Variants in TENM3 observed in about 807,000 individuals in gnomAD.
The protein encoded by TENM3 is teneurin transmembrane protein 3.
TENM3 carries 63 observed loss-of-function variants against 255.1 expected under a neutral mutation model. The observed-to-expected ratio is 0.25, with a 90% CI of 0.20 to 0.30. TENM3 has a LOEUF of 0.30. Among genes scored for constraint, TENM3 ranks in the 10% least tolerant of loss-of-function variants. TENM3 has a pLI of 1.00. For missense variants in TENM3, 2,929 were observed against 3,461.1 expected, an observed-to-expected ratio of 0.85 and a Z score of 3.86; for synonymous variants, 1,306 against 1,322.3, an observed-to-expected ratio of 0.99 and a Z score of 0.27.
chr4:182,283,135 A>C (rs1351319966), intron 1 of TENM3, among the ~76,000 whole-genome samples: 1 of 152,180 alleles, frequency 6.6e-6, no homozygotes, highest in Non-Finnish European at 1.5e-5. Flanking sequence ...AATTGACTTC[A>C]ACGTAAATAA....
intron 6 of TENM3, among the ~76,000 whole-genome samples, chr4:182,659,324 G>A (rs1019028198): frequency 9.9e-5 from 15 of 152,098 alleles, no homozygotes; most frequent in Non-Finnish European, 1.8e-4. Context: ...CTTTGAGAGA[G>A]AGAGAGAGAC....
intron 5 of TENM3, among the ~76,000 whole-genome samples, chr4:182,653,059 A>T (rs921541433): frequency 6.6e-6 from 1 of 152,100 alleles, no homozygotes; most frequent in Non-Finnish European, 1.5e-5. Context: ...TATTTTTTAA[A>T]TTTTTTAAAA....
the TENM3 span, among the ~76,000 whole-genome samples, chr4:182,113,274 G>A: frequency 2.6e-5 from 4 of 152,096 alleles, no homozygotes; most frequent in Admixed American, 1.3e-4. Context: ...ATTTTAAAGC[G>A]GATTTGAGAT....
the TENM3 span, among the ~76,000 whole-genome samples, chr4:181,461,312 T>C: frequency 6.6e-6 from 1 of 152,150 alleles, no homozygotes; most frequent in Non-Finnish European, 1.5e-5. Context: ...ACCTTTTCTC[T>C]TTATCGTTGC....
intron 3 of TENM3, among the ~76,000 whole-genome samples, chr4:182,440,107 T>C (rs775603460): frequency 1.5e-4 from 19 of 125,672 alleles, no homozygotes; most frequent in Non-Finnish European, 2.5e-4. Flanking sequence ...AAACTCCTGG[T>C]GGGCACCTTT....
At chr4:182,118,004 G>T in the TENM3 span, among the ~76,000 whole-genome samples, 2 of 151,870 alleles carry the variant, frequency 1.3e-5, no homozygotes, top group Non-Finnish European at 2.9e-5. Context: ...CATTTTTTAC[G>T]TGCTAATGCA....
the TENM3 span, among the ~76,000 whole-genome samples, chr4:182,046,547 C>CT: frequency 4.9e-4 from 43 of 88,026 alleles, no homozygotes; most frequent in African/African-American, 1.7e-3. Flanking sequence ...GTACAAAAAA[C>CT]TAAATAATAA....
At chr4:182,731,227 C>A in intron 16 of TENM3, 88 bp downstream of exon 16, 1 of 1,364,696 alleles carries the variant, frequency 7.3e-7, no homozygotes, top group South Asian at 1.3e-5. Flanking sequence ...TTATAGAGTC[C>A]GGGCACGGTG....
At chr4:182,076,478 A>T in the TENM3 span, among the ~76,000 whole-genome samples, 1 of 151,998 alleles carries the variant, frequency 6.6e-6, no homozygotes, top group Non-Finnish European at 1.5e-5. Flanking sequence ...CTGGGATTAC[A>T]GGCGTGAGCC....
At chr4:181,942,969 T>C in the TENM3 span, among the ~76,000 whole-genome samples, 14,624 of 152,214 alleles carry the variant, frequency 0.096, 853 homozygotes, top group Non-Finnish European at 0.13. Flanking sequence ...TTGGCACTTA[T>C]TTTCTAGAAA....
intron 27 of TENM3, among the ~76,000 whole-genome samples, chr4:182,797,439 C>CAAA (rs573944370): frequency 2.1e-5 from 3 of 145,448 alleles, no homozygotes; most frequent in African/African-American, 7.5e-5. Context: ...AACTCCGTCT[C>CAAA]AAAAAAAAAA....
chr4:182,322,501 T>G (rs984876149), intron 1 of TENM3, among the ~76,000 whole-genome samples: 1 of 152,178 alleles, frequency 6.6e-6, no homozygotes, highest in Admixed American at 6.5e-5. Flanking sequence ...TTCTTGTAGC[T>G]GATGGAAGGC....
the TENM3 span, among the ~76,000 whole-genome samples, chr4:182,000,793 G>A: frequency 1.3e-5 from 2 of 150,086 alleles, no homozygotes; most frequent in South Asian, 2.1e-4. Context: ...AGAAGTCAGC[G>A]ATGTTAGGCT....
chr4:181,719,932 T>C, the TENM3 span, among the ~76,000 whole-genome samples: 7 of 152,342 alleles, frequency 4.6e-5, no homozygotes, highest in Admixed American at 3.9e-4. Flanking sequence ...TTCACAAATA[T>C]GTATTATGTG....
chr4:182,709,316 A>G (rs1241020671), intron 12 of TENM3, among the ~76,000 whole-genome samples: 2 of 152,102 alleles, frequency 1.3e-5, no homozygotes, highest in South Asian at 4.2e-4. Flanking sequence ...TTCCCATTTT[A>G]TATGTCTAGC....
chr4:181,822,253 G>A, the TENM3 span, among the ~76,000 whole-genome samples: 1 of 152,188 alleles, frequency 6.6e-6, no homozygotes, highest in East Asian at 1.9e-4. Context: ...TAAATGAACA[G>A]AGATAAATCA....
chr4:182,162,742 G>A (rs1317692595), intron 1 of TENM3, among the ~76,000 whole-genome samples: 2 of 152,200 alleles, frequency 1.3e-5, no homozygotes, highest in Non-Finnish European at 2.9e-5. Context: ...CTCCAGAGGA[G>A]ACAAGCTCTG....
At chr4:181,888,624 A>G in the TENM3 span, among the ~76,000 whole-genome samples, 1 of 59,714 alleles carries the variant, frequency 1.7e-5, no homozygotes, top group Non-Finnish European at 3.3e-5. Context: ...GTGTGGAAAG[A>G]GAGAGAGAGA....
chr4:181,729,090 A>G, the TENM3 span, among the ~76,000 whole-genome samples: 1 of 152,232 alleles, frequency 6.6e-6, no homozygotes, highest in African/African-American at 2.4e-5. Flanking sequence ...AGGGAAGTGA[A>G]GAAAATACAT....
Sources: gnomAD v4.1 joint callset for allele counts (sites outside exome capture counted in the v4.1 genomes callset) on GRCh38, gnomAD v4.1.1 for gene constraint, MANE v1.5 for transcripts, NCBI Gene and HGNC (gene_info 2026-07-23, HGNC 2026-07-21) for gene names.